The following EPB42 variants were observed in gnomAD, a reference collection of about 807,000 sequenced individuals.
EPB42 encodes erythrocyte membrane protein band 4.2.
Under a neutral mutation model 76.9 loss-of-function variants are expected in EPB42, and 49 were observed. That is an observed-to-expected ratio of 0.64 (90% CI 0.51 to 0.81). EPB42 has a LOEUF of 0.81. Among genes scored for constraint, EPB42 ranks in the 30% least tolerant of loss-of-function variants. The pLI, the probability that EPB42 is intolerant of heterozygous loss-of-function variation, is 0.00. For missense variants in EPB42, 731 were observed against 867.6 expected (o/e 0.84, Z 1.98); for synonymous variants, 310 against 338.4 (o/e 0.92, Z 0.92).
chr15:43,197,501 C>G (rs1351280571), intron 12 of EPB42, 37 bp from the exon 13 acceptor site: 13 of 1,612,272 alleles, frequency 8.1e-6, no homozygotes, highest in Non-Finnish European at 1.1e-5. Flanking sequence ...AGTTCTGTCC[C>G]AGGTTCATTG....
At chr15:43,219,561 T>A (rs2042427391) in intron 1 of EPB42, among the ~76,000 whole-genome samples, 1 of 152,204 alleles carries the variant, frequency 6.6e-6, no homozygotes, top group South Asian at 2.1e-4. Context: ...CCCAGGGGCA[T>A]CCTCTGGTTT....
chr15:43,203,084 G>A (rs373815420), intron 11 of EPB42, 31 bp downstream of exon 11: 69 of 1,613,616 alleles, frequency 4.3e-5, no homozygotes, highest in Non-Finnish European at 5.4e-5. Context: ...GGTGGCAGAC[G>A]AGGGCAACTC....
rs1195604855 is a variant in EPB42, at chr15:43,207,427, C to A, written c.1090G>T (p.Asp364Tyr). The change falls in exon 9 of 13, where the codon GAT becomes TAT. Residue 364 changes from aspartate to tyrosine, a missense_variant. Asp to Tyr is a radical substitution (Grantham distance 160, BLOSUM62 -3). Transcript: ENST00000441366. Reference sequence around the variant, plus strand: ...TTGACTGCTCTGACCGGCACCAGATCACAGGACCCCAGGACTGAGGGAGAG... The same window carrying A: ...TTGACTGCTCTGACCGGCACCAGATAACAGGACCCCAGGACTGAGGGAGAG... ...PNGGGVLGSC[D>Y]LVPVRAVKEG... is the part of the protein sequence containing the mutation. 2 of 1,613,886 alleles carry A rather than the reference C, an allele frequency of 1.2e-6. No individual in the cohort carries two copies. Among genetic ancestry groups the A allele is most frequent in the Non-Finnish European group, 1.7e-6 (2 of 1,180,026 alleles).
Position 43,201,858 on chromosome 15 carries a change from T to C in EPB42, c.1899A>G (p.Arg633=). 1 of 1,614,204 alleles carries C rather than the reference T, an allele frequency of 6.2e-7. No individual in the cohort carries two copies. The highest frequency in any genetic ancestry group is 2.2e-5 in the East Asian group (1 of 44,886). ...ISILGRGLIH[R]ERSYRFRSVW... ...CCATCACTTACCTGTAGCTCCTCTCTCTGTGAATGAGCCCCCTTCCCAGGA... is the reference window on the plus strand; with the variant it reads ...CCATCACTTACCTGTAGCTCCTCTCCCTGTGAATGAGCCCCCTTCCCAGGA... Residue 633 remains arginine (R), a synonymous_variant, in exon 12 of 13, where the codon AGA becomes AGG. Coordinates refer to ENST00000441366, the MANE Select transcript of EPB42 (RefSeq NM_001114134.2).
At position 43,220,810 on chromosome 15, in the gene EPB42, G is replaced by T; in HGVS notation, c.10+6C>A. On this transcript the variant is annotated splice_donor_region_variant and intron_variant, in intron 1 of 12. Coordinates refer to ENST00000441366, the MANE Select transcript of EPB42 (RefSeq NM_001114134.2). ...GCAAGCCCTGTCGAGCGCTGGCTTG[G>T]CTCACCCTGTCCCATGGTTGCAGGC... 1 of 1,612,120 alleles carries T rather than the reference G, an allele frequency of 6.2e-7. No homozygotes were observed.
rs1489243686 is a variant in EPB42, at chr15:43,216,408, T to A, written c.56A>T (p.Glu19Val). 6.2e-7 allele frequency: 1 copy of A among 1,614,186 alleles called. No individual in the cohort carries two copies. The highest frequency in any genetic ancestry group is 1.1e-5 in the South Asian group (1 of 91,086). ...SCDFQAARNNEEHHTKALSSR... is the reference protein window; with the variant it reads ...SCDFQAARNNVEHHTKALSSR... ...GCTGAGGGCCTTGGTGTGGTGCTCC[T>A]CATTGTTTCTTGCTGCCTGAAAGTC... The change falls in exon 2 of 13, where the codon GAG becomes GTG. Residue 19 changes from glutamate (E) to valine (V), a missense_variant. Transcript: ENST00000441366.
rs148871144 is a variant in EPB42 at position 43,206,561 on chromosome 15, C to T, written c.1387G>A (p.Gly463Ser). 5.9e-4 allele frequency: 945 copies of T among 1,614,170 alleles called. 8 individuals are homozygous for T. In the Middle Eastern group the frequency reaches 0.011, roughly 19 times the overall value. Residue 463 changes from glycine to serine, a missense_variant, in exon 10 of 13, where the codon GGC becomes AGC. Physicochemically the swap from Gly to Ser is moderately conservative, Grantham distance 56 (BLOSUM62 0). Transcript: ENST00000441366. This position sits in a 1 kb window ranked among gnomAD's most constrained non-coding sequence, Gnocchi z 4.7. ...KEKMEREKDN[G>S]IRPPSLETAS... ...GTCTCGAGACTGGGAGGACGGATGCCGTTGTCTTTCTCACGTTCCATTTTC... is the reference window on the plus strand; with the variant it reads ...GTCTCGAGACTGGGAGGACGGATGCTGTTGTCTTTCTCACGTTCCATTTTC...
rs968322882 is a variant in EPB42, at chr15:43,197,343, A to G, written c.2035T>C (p.Tyr679His). ...DCNMFQNLTN[Y>H]KSVTVVAPEL... ...GGGGCTACCACGGTGACGCTTTTAT[A>G]GTTGGTTAGGTTCTGGAACATGTTG... Residue 679 changes from tyrosine to histidine, a missense_variant, in exon 13 of 13, where the codon TAT becomes CAT. By Grantham distance (83) the Tyr-to-His change is moderately conservative. Coordinates refer to ENST00000441366, the MANE Select transcript of EPB42 (RefSeq NM_001114134.2). The G allele has an allele frequency of 1.2e-6, 2 of 1,614,088 alleles. No individual in the cohort carries two copies. Among genetic ancestry groups the G allele is most frequent in the African/African-American group, 2.7e-5 (2 of 74,934 alleles).
chr15:43,217,128 G>T (rs1233188108), intron 1 of EPB42, among the ~76,000 whole-genome samples: 2 of 152,218 alleles, frequency 1.3e-5, no homozygotes, highest in African/African-American at 4.8e-5. Flanking sequence ...CAAATTTCAG[G>T]TCGAATTGTA....
In EPB42 at chr15:43,206,463, C is replaced by T. The variant is rs746200365; in HGVS notation, c.1485G>A (p.Val495=). The T allele has an allele frequency of 6.2e-7, 1 of 1,614,236 alleles. No homozygotes were observed. Among genetic ancestry groups the T allele is most frequent in the Non-Finnish European group, 8.5e-7 (1 of 1,180,046 alleles). The part of the protein sequence containing the change: ...LPLRGDAQIS[V]TLVNHSEQEK... ...CCTGCTCACTGTGATTAACCAGCGTCACTGAGATCTGGGCATCCCCTCTCA... is the reference window on the plus strand; with the variant it reads ...CCTGCTCACTGTGATTAACCAGCGTTACTGAGATCTGGGCATCCCCTCTCA... Residue 495 remains valine, a synonymous_variant, in exon 10 of 13, where the codon GTG becomes GTA. Transcript: ENST00000441366. This position sits in a 1 kb window ranked among gnomAD's most constrained non-coding sequence, Gnocchi z 4.7.
At chr15:43,214,590 C>A (rs1007235629) in intron 3 of EPB42, among the ~76,000 whole-genome samples, 9 of 152,150 alleles carry the variant, frequency 5.9e-5, no homozygotes, top group African/African-American at 2.2e-4. Context: ...CTTATCAATT[C>A]AAAATGGTAT....
intron 12 of EPB42, among the ~76,000 whole-genome samples, chr15:43,199,008 A>G (rs559539092): frequency 1.6e-4 from 25 of 152,362 alleles, no homozygotes; most frequent in East Asian, 3.9e-4. Context: ...CAGAATATCT[A>G]TGGAAATTCT....
chr15:43,207,239 G>C lies in EPB42; in HGVS notation c.1278C>G (p.Asp426Glu), dbSNP rs766853529. 1.2e-6 allele frequency: 2 copies of C among 1,614,198 alleles called. No homozygotes were observed. Among genetic ancestry groups the C allele is most frequent in the South Asian group, 2.2e-5 (2 of 91,072 alleles). Residue 426 changes from aspartate to glutamate, a missense_variant, in exon 9 of 13, where the codon GAC becomes GAG. Coordinates refer to ENST00000441366, the MANE Select transcript of EPB42 (RefSeq NM_001114134.2). The part of the protein sequence containing the change: ...NNISTKGVGS[D>E]RCEDITQNYK... ...AGTTCTGAGTGATGTCCTCGCAGCG[G>C]TCACTGCCCACACCCTTGGTGCTGA...
chr15:43,210,450 T>TCACACAGGGCCATGATGAAGGGTCCC lies in EPB42; in HGVS notation c.550-37_550-12dup, dbSNP rs368862301. The TCACACAGGGCCATGATGAAGGGTCCC allele has an allele frequency of 6.2e-6, 10 of 1,612,490 alleles. No individual in the cohort carries two copies. The African/African-American group carries it at 1.2e-4, about 19-fold the overall frequency. On this transcript the variant is annotated splice_polypyrimidine_tract_variant and intron_variant, in intron 4 of 12. Coordinates refer to ENST00000441366, the MANE Select transcript of EPB42 (RefSeq NM_001114134.2). The stretch of plus-strand genomic sequence containing the variant: ...GACATCCCCCTCGAACTGTTAAGGA[T>TCACACAGGGCCATGATGAAGGGTCCC]CACACAGGGCCATGATGAAGGGTCC...
At position 43,220,867 on chromosome 15, in the gene EPB42, G is replaced by C. The variant is rs377379390; in HGVS notation, c.-42C>G. On this transcript the variant is annotated 5_prime_UTR_variant, in exon 1 of 13. Coordinates refer to ENST00000441366, the MANE Select transcript of EPB42 (RefSeq NM_001114134.2). ...TCTTATCCACTTGGCCGCAGAAAGCGCCTCTCTCAAACTGTTGCTTCTGGG... is the reference window on the plus strand; with the variant it reads ...TCTTATCCACTTGGCCGCAGAAAGCCCCTCTCTCAAACTGTTGCTTCTGGG... The C allele has an allele frequency of 5.1e-5, 80 of 1,577,436 alleles. No individual in the cohort carries two copies. Among genetic ancestry groups the C allele is most frequent in the Non-Finnish European group, 6.6e-5 (76 of 1,154,002 alleles).
rs1402342689 is a variant in EPB42, at chr15:43,215,188, C to T, written c.337G>A (p.Val113Ile). 18 of 1,614,240 alleles carry T rather than the reference C, an allele frequency of 1.1e-5. No individual in the cohort carries two copies. The highest frequency in any genetic ancestry group is 1.4e-5 in the Non-Finnish European group (17 of 1,180,044). The change falls in exon 3 of 13, where the codon GTC becomes ATC. Residue 113 changes from valine to isoleucine, a missense_variant. Physicochemically the swap from Val to Ile is conservative, Grantham distance 29. Coordinates refer to ENST00000441366, the MANE Select transcript of EPB42 (RefSeq NM_001114134.2). ...AGCAGAAGCGAGTAGTGGCCAATGA[C>T]AGCGTCCGCAGGTGTGGTCACAGAG... ...TISVTTPADA[V>I]IGHYSLLLQV...
chr15:43,209,879 G>A (rs887831667), intron 5 of EPB42, among the ~76,000 whole-genome samples: 1 of 152,220 alleles, frequency 6.6e-6, no homozygotes, highest in African/African-American at 2.4e-5. Flanking sequence ...AAGAGGGAAT[G>A]GTGAACACAT....
chr15:43,219,432 C>T (rs1296834920), intron 1 of EPB42, among the ~76,000 whole-genome samples: 11 of 152,306 alleles, frequency 7.2e-5, no homozygotes, highest in Admixed American at 5.9e-4. Flanking sequence ...GCAATTGGCT[C>T]TTGCAAGTCA....
At chr15:43,218,219 T>A (rs1049668455) in intron 1 of EPB42, among the ~76,000 whole-genome samples, 7 of 152,158 alleles carry the variant, frequency 4.6e-5, no homozygotes, top group African/African-American at 1.7e-4. Flanking sequence ...TGCAGACTGG[T>A]TGAGTTGGAT....
Sources: gnomAD v4.1 joint callset for allele counts (sites outside exome capture counted in the v4.1 genomes callset) on GRCh38, gnomAD v4.1.1 for gene constraint, Gnocchi (gnomAD v3.1) non-coding constraint, MANE v1.5 for transcripts, NCBI Gene and HGNC (gene_info 2026-07-23, HGNC 2026-07-21) for gene names.